Variants in NOS1AP observed in about 807,000 individuals in gnomAD.
The protein encoded by NOS1AP is carboxyl-terminal PDZ ligand of neuronal nitric oxide synthase protein.
In NOS1AP, 21 loss-of-function variants were observed where a neutral mutation model predicts 56.2. The observed-to-expected ratio is 0.37, with a 90% CI of 0.26 to 0.54. The LOEUF is 0.54. NOS1AP is among the 20% of genes least tolerant of loss of function. The pLI, the probability that NOS1AP is intolerant of heterozygous loss-of-function variation, is 0.84. For missense variants in NOS1AP, 522 were observed against 657.8 expected, an observed-to-expected ratio of 0.79 and a Z score of 2.26; for synonymous variants, 270 against 274.6, an observed-to-expected ratio of 0.98 and a Z score of 0.17.
intron 2 of NOS1AP, among the ~76,000 whole-genome samples, chr1:162,170,750 AC>A (rs1650727322): frequency 6.6e-6 from 1 of 152,002 alleles, no homozygotes; most frequent in Non-Finnish European, 1.5e-5. Flanking sequence ...ACATGGAGAA[AC>A]CCTGTCTCGA....
intron 1 of NOS1AP, among the ~76,000 whole-genome samples, chr1:162,141,892 T>C (rs1649251200): frequency 6.6e-6 from 1 of 152,156 alleles, no homozygotes; most frequent in Non-Finnish European, 1.5e-5. Context: ...GATGGAGTCT[T>C]TATAGTGCAG....
intron 3 of NOS1AP, 41 bp from the exon 4 acceptor site, chr1:162,300,592 G>A (rs767788994): frequency 1.9e-5 from 30 of 1,541,454 alleles, no homozygotes; most frequent in Middle Eastern, 1.7e-4. Context: ...TGTGTGCCCT[G>A]GTCCTGTAAC....
chr1:162,343,800 T>G, intron 5 of NOS1AP, 35 bp from the exon 6 acceptor site: 1 of 1,613,816 alleles, frequency 6.2e-7, no homozygotes, highest in South Asian at 1.1e-5. Flanking sequence ...TTGCGCATCC[T>G]CACCCATCCT....
At chr1:162,108,765 T>G (rs1473228388) in intron 1 of NOS1AP, among the ~76,000 whole-genome samples, 1 of 151,666 alleles carries the variant, frequency 6.6e-6, no homozygotes, top group Non-Finnish European at 1.5e-5. Flanking sequence ...TAAATAAAAC[T>G]ATGGGAGTGC....
intron 6 of NOS1AP, among the ~76,000 whole-genome samples, chr1:162,345,640 A>G (rs955696545): frequency 2.0e-5 from 3 of 152,226 alleles, no homozygotes; most frequent in Admixed American, 2.0e-4. Flanking sequence ...TAGTCTGCAA[A>G]TGGCAGCATT....
chr1:162,199,634 G>GTC (rs1651924221), intron 2 of NOS1AP, among the ~76,000 whole-genome samples: 1 of 142,460 alleles, frequency 7.0e-6, no homozygotes, highest in Non-Finnish European at 1.5e-5. Flanking sequence ...GTGTGTGTGT[G>GTC]TGTGTGTCTG....
chr1:162,086,915 C>T (rs1418072585), intron 1 of NOS1AP, among the ~76,000 whole-genome samples: 1 of 152,132 alleles, frequency 6.6e-6, no homozygotes, highest in Non-Finnish European at 1.5e-5. Flanking sequence ...ACAACAACTC[C>T]ACGCTCATCT....
At chr1:162,309,166 T>A (rs1033146223) in intron 4 of NOS1AP, among the ~76,000 whole-genome samples, 1 of 152,230 alleles carries the variant, frequency 6.6e-6, no homozygotes, top group East Asian at 1.9e-4. Flanking sequence ...TCTTGGGAAA[T>A]CAGGATACCC....
intron 1 of NOS1AP, among the ~76,000 whole-genome samples, chr1:162,121,289 G>A (rs1341186829): frequency 4.0e-5 from 6 of 151,448 alleles, no homozygotes; most frequent in South Asian, 2.1e-4. Flanking sequence ...CACCACACCC[G>A]GCTAATTTCT....
At chr1:162,107,377 T>G (rs1186951581) in intron 1 of NOS1AP, among the ~76,000 whole-genome samples, 3 of 152,232 alleles carry the variant, frequency 2.0e-5, no homozygotes, top group Non-Finnish European at 4.4e-5. Flanking sequence ...CCTCTGTCAT[T>G]CAGGCTGGAA....
chr1:162,232,758 TTATTATGTACCTATTATGTACC>T (rs68111337), intron 2 of NOS1AP, among the ~76,000 whole-genome samples: 1 of 151,734 alleles, frequency 6.6e-6, no homozygotes, highest in Non-Finnish European at 1.5e-5. Flanking sequence ...GTTATTTGCT[TTATTATGTACCTATTATGTACC>T]TATTATGTAC....
intron 2 of NOS1AP, among the ~76,000 whole-genome samples, chr1:162,215,367 C>G (rs967582280): frequency 2.0e-5 from 3 of 152,362 alleles, no homozygotes; most frequent in African/African-American, 7.2e-5. Context: ...TGGTGATGCA[C>G]TGGACCTTGC....
intron 2 of NOS1AP, among the ~76,000 whole-genome samples, chr1:162,206,593 A>G (rs1652171850): frequency 6.6e-6 from 1 of 152,242 alleles, no homozygotes; most frequent in South Asian, 2.1e-4. Context: ...CCTTGTTATC[A>G]TAAGATAAGG....
chr1:162,193,634 G>T (rs1343606300), intron 2 of NOS1AP, among the ~76,000 whole-genome samples: 1 of 151,782 alleles, frequency 6.6e-6, no homozygotes, highest in African/African-American at 2.4e-5. Context: ...AACTTCTCTT[G>T]GTTTCCATCT....
At chr1:162,173,054 G>T (rs1376845558) in intron 2 of NOS1AP, among the ~76,000 whole-genome samples, 1 of 152,052 alleles carries the variant, frequency 6.6e-6, no homozygotes, top group Non-Finnish European at 1.5e-5. Context: ...GCAGCCCCCT[G>T]AGTAGCTAGG....
At chr1:162,344,737 T>C (rs1215023847) in intron 6 of NOS1AP, among the ~76,000 whole-genome samples, 1 of 146,274 alleles carries the variant, frequency 6.8e-6, no homozygotes, top group South Asian at 2.1e-4. Context: ...AAGGAGACAA[T>C]AAATGTGAAA....
At chr1:162,302,654 A>G (rs531186219) in intron 4 of NOS1AP, among the ~76,000 whole-genome samples, 1 of 152,342 alleles carries the variant, frequency 6.6e-6, no homozygotes, top group South Asian at 2.1e-4. Flanking sequence ...CTTATTTTTA[A>G]TAGCTTCATT....
intron 1 of NOS1AP, among the ~76,000 whole-genome samples, chr1:162,078,808 A>G (rs1256981701): frequency 1.3e-5 from 2 of 151,860 alleles, no homozygotes; most frequent in African/African-American, 4.8e-5. Flanking sequence ...CATTCCCTTA[A>G]CCCTCACTGC....
chr1:162,365,395 T>TG lies in NOS1AP; in HGVS notation c.940-9_940-8insG. The TG allele has an allele frequency of 6.2e-7, 1 of 1,614,158 alleles. No homozygotes were observed. Among genetic ancestry groups the TG allele is most frequent in the Non-Finnish European group, 8.5e-7 (1 of 1,180,038 alleles). ...TCCTGTCTTCTCTGCCGCTGCCTCTTCTCTGCAGGTACACTTGCTGAAGGA... is the reference window on the plus strand; with the variant it reads ...TCCTGTCTTCTCTGCCGCTGCCTCTTGCTCTGCAGGTACACTTGCTGAAGGA... On this transcript the variant is annotated splice_polypyrimidine_tract_variant and intron_variant, in intron 8 of 9. Transcript: ENST00000361897.
Sources: allele counts gnomAD v4.1 joint callset (sites outside exome capture counted in the v4.1 genomes callset), GRCh38; gene constraint gnomAD v4.1.1; transcripts MANE v1.5; gene names NCBI Gene and HGNC (gene_info 2026-07-23, HGNC 2026-07-21).